Variants in DNAJC6 observed in about 807,000 individuals in gnomAD.
The protein encoded by DNAJC6 is auxilin.
Under a neutral mutation model 110.0 loss-of-function variants are expected in DNAJC6, and 34 were observed. The observed-to-expected ratio is 0.31, with a 90% confidence interval of 0.24 to 0.41. DNAJC6 has a LOEUF of 0.41. Ranked by LOEUF, DNAJC6 falls within the 10% of genes least tolerant of loss-of-function variation. DNAJC6 has a pLI of 1.00. For missense variants in DNAJC6, 1,031 were observed against 1,207.8 expected (o/e 0.85, Z 2.17); for synonymous variants, 406 against 437.2 (o/e 0.93, Z 0.89).
chr1:65,360,007 G>A (rs1453263462), intron 1 of DNAJC6, among the ~76,000 whole-genome samples: 8 of 152,086 alleles, frequency 5.3e-5, no homozygotes, highest in Non-Finnish European at 1.0e-4. Context: ...CTGGCCCATG[G>A]GATCCAGTTT....
In DNAJC6 at chr1:65,309,600, T is replaced by A. The variant is rs2101356333; in HGVS notation, c.-146T>A. 8.3e-7 allele frequency: 1 copy of A among 1,200,584 alleles called. No homozygotes were observed. The highest frequency in any genetic ancestry group is 1.8e-5 in the South Asian group (1 of 55,778). 74.4% of individuals were successfully genotyped at this position (1,200,584 alleles called of 1,614,324 possible). A position where few individuals can be genotyped will look rare whatever the true frequency, so the allele number is the denominator to read the frequency against. On this transcript the variant is annotated 5_prime_UTR_variant, in exon 1 of 19. Transcript: ENST00000371069. ...CTCGCCCGGCGAAGCTTCTCTCCGG[T>A]GGCCGCTCCTTCTTTTCCCTCCTCT...
chr1:65,379,268 C>T, intron 4 of DNAJC6, 134 bp from the exon 5 acceptor site: 3 of 1,062,082 alleles, frequency 2.8e-6, no homozygotes, highest in Admixed American at 3.0e-5. Flanking sequence ...GCATTTGGAC[C>T]CTGTTCCCAC....
chr1:65,328,669 A>T (rs957085157), intron 1 of DNAJC6, among the ~76,000 whole-genome samples: 1 of 152,246 alleles, frequency 6.6e-6, no homozygotes, highest in African/African-American at 2.4e-5. Context: ...TTAAAAAAGT[A>T]CTTGACCCCA....
chr1:65,407,417 A>T (rs1646087227), intron 16 of DNAJC6, among the ~76,000 whole-genome samples: 1 of 152,178 alleles, frequency 6.6e-6, no homozygotes, highest in Admixed American at 6.5e-5. Context: ...TGTGACACAG[A>T]TCGATGAAGT....
chr1:65,275,946 C>G (rs1653655538), intron 1 of DNAJC6, among the ~76,000 whole-genome samples: 1 of 148,342 alleles, frequency 6.7e-6, no homozygotes, highest in South Asian at 2.1e-4. Flanking sequence ...GCCCAGGCTG[C>G]AGTGCGATCC....
intron 1 of DNAJC6, among the ~76,000 whole-genome samples, chr1:65,269,199 C>G (rs1460677294): frequency 6.6e-6 from 1 of 151,974 alleles, no homozygotes; most frequent in Non-Finnish European, 1.5e-5. Flanking sequence ...GAAACCCCCT[C>G]TCTACTAAAA....
chr1:65,348,786 T>G (rs542218584), intron 1 of DNAJC6, among the ~76,000 whole-genome samples: 2 of 150,822 alleles, frequency 1.3e-5, no homozygotes, highest in African/African-American at 4.8e-5. Context: ...TGGGATTAAG[T>G]CTACTCTCGT....
At chr1:65,407,758 A>G (rs563177419) in intron 16 of DNAJC6, among the ~76,000 whole-genome samples, 1 of 152,322 alleles carries the variant, frequency 6.6e-6, no homozygotes, top group South Asian at 2.1e-4. Context: ...GGGAACAAGA[A>G]ACAAAATCCC....
rs1027973422 is a variant in DNAJC6, at chr1:65,414,688, C to T, written c.*1663C>T. 6.6e-6 allele frequency: 1 copy of T among 152,566 alleles called. No homozygotes were observed. The highest frequency in any genetic ancestry group is 1.5e-5 in the Non-Finnish European group (1 of 68,016). 9.5% of individuals were successfully genotyped at this position (152,566 alleles called of 1,614,324 possible). A position where few individuals can be genotyped will look rare whatever the true frequency, so the allele number is the denominator to read the frequency against. On this transcript the variant is annotated 3_prime_UTR_variant, in exon 19 of 19. Coordinates refer to ENST00000371069, the MANE Select transcript of DNAJC6 (RefSeq NM_001256864.2). ...AATGTTCTCTTTTTAAATATACAGT[C>T]ATAAACTGTTCAAGGTAACCATAAC...
At chr1:65,302,103 A>C (rs1358916274) in intron 1 of DNAJC6, among the ~76,000 whole-genome samples, 3 of 66,952 alleles carry the variant, frequency 4.5e-5, no homozygotes, top group Non-Finnish European at 1.2e-4. Flanking sequence ...TATATATAAT[A>C]TATAATATAT....
At chr1:65,373,315 A>G (rs1645726023) in intron 4 of DNAJC6, among the ~76,000 whole-genome samples, 1 of 152,164 alleles carries the variant, frequency 6.6e-6, no homozygotes, top group Non-Finnish European at 1.5e-5. Flanking sequence ...TCTTTTGGAT[A>G]TATACCCAGT....
chr1:65,396,790 C>A (rs1040544577), intron 13 of DNAJC6, among the ~76,000 whole-genome samples: 1 of 152,120 alleles, frequency 6.6e-6, no homozygotes, highest in Admixed American at 6.6e-5. Context: ...ATTAATGCAT[C>A]CATAGTGCCT....
At chr1:65,378,716 G>A (rs753745036) in intron 4 of DNAJC6, among the ~76,000 whole-genome samples, 15 of 152,302 alleles carry the variant, frequency 9.8e-5, no homozygotes, top group Non-Finnish European at 1.6e-4. Context: ...CAGTGCTGAC[G>A]CTGAGCAGCA....
chr1:65,313,747 G>A (rs975219516), intron 1 of DNAJC6, among the ~76,000 whole-genome samples: 1 of 152,340 alleles, frequency 6.6e-6, no homozygotes, highest in African/African-American at 2.4e-5. Flanking sequence ...AGCCTCTCAA[G>A]TGGTAGATAC....
chr1:65,409,886 T>C (rs1646112409), intron 17 of DNAJC6, among the ~76,000 whole-genome samples: 1 of 152,194 alleles, frequency 6.6e-6, no homozygotes, highest in Non-Finnish European at 1.5e-5. Flanking sequence ...TGTTTCAGCA[T>C]TTTGTTTTTT....
intron 1 of DNAJC6, among the ~76,000 whole-genome samples, chr1:65,330,757 G>T (rs1199817801): frequency 6.6e-6 from 1 of 152,196 alleles, no homozygotes; most frequent in African/African-American, 2.4e-5. Context: ...GTGTGCCACC[G>T]CGCCCAGCCT....
At chr1:65,387,758 G>A (rs554636029) in intron 8 of DNAJC6, among the ~76,000 whole-genome samples, 6 of 152,320 alleles carry the variant, frequency 3.9e-5, no homozygotes, top group African/African-American at 1.4e-4. Context: ...TAGGAATAAT[G>A]TGGCAAGTAA....
chr1:65,367,252 C>T (rs1420291821), intron 4 of DNAJC6, among the ~76,000 whole-genome samples: 1 of 152,152 alleles, frequency 6.6e-6, no homozygotes, highest in Non-Finnish European at 1.5e-5. Flanking sequence ...TTTCTAACAG[C>T]TTCCTGGGGG....
At chr1:65,407,416 G>T (rs140441818) in intron 16 of DNAJC6, among the ~76,000 whole-genome samples, 3 of 152,294 alleles carry the variant, frequency 2.0e-5, no homozygotes, top group Non-Finnish European at 4.4e-5. Flanking sequence ...CTGTGACACA[G>T]ATCGATGAAG....
Sources: allele counts gnomAD v4.1 joint callset (sites outside exome capture counted in the v4.1 genomes callset), GRCh38; gene constraint gnomAD v4.1.1; transcripts MANE v1.5; gene names NCBI Gene and HGNC (gene_info 2026-07-23, HGNC 2026-07-21).